Variants in EMP2 observed in about 807,000 individuals in gnomAD.
The protein encoded by EMP2 is epithelial membrane protein 2.
A neutral mutation model predicts 13.7 loss-of-function variants in EMP2; 19 were observed. The observed-to-expected ratio is 1.38, with a 90% CI of 0.97 to 2.03. The LOEUF (loss-of-function observed/expected upper bound fraction) is 2.03. Among genes scored for constraint, EMP2 ranks in the 30% most tolerant of loss-of-function variants. The pLI is 0.00. For missense variants in EMP2, 253 were observed against 220.7 expected, an observed-to-expected ratio of 1.15 and a Z score of -0.93; for synonymous variants, 97 against 84.7, an observed-to-expected ratio of 1.15 and a Z score of -0.80.
Position 10,575,515 on chromosome 16 carries a change from A to G in EMP2, c.-61+5034T>C, listed in dbSNP as rs2050978477. 2.0e-5 allele frequency among the ~76,000 whole-genome samples: 3 copies of G among 151,630 alleles called. 1 individual carries two copies. The South Asian group carries it at 6.3e-4, about 32-fold the overall frequency. On this transcript the variant is annotated intron_variant, in intron 1 of 4. Coordinates refer to ENST00000359543, the MANE Select transcript of EMP2 (RefSeq NM_001424.6). ...GTGATCCACCTACCTCGGCCTCCCA[A>G]AGTTCTGGGATTACAGGCGTGAGGA...
chr16:10,573,665 A>T (rs2050962877), intron 1 of EMP2, among the ~76,000 whole-genome samples: 1 of 152,230 alleles, frequency 6.6e-6, no homozygotes, highest in South Asian at 2.1e-4. Flanking sequence ...TCTTGGTTAC[A>T]GATAAGGCTT....
chr16:10,529,366 A>G lies in EMP2; in HGVS notation c.*3539T>C, dbSNP rs550817594. On this transcript the variant is annotated 3_prime_UTR_variant, in exon 5 of 5. Transcript: ENST00000359543. ...TGGATGTTTTCTCCCTGATTTTGTC[A>G]TTTCTTTCCAACTTCCCAAATGCAT... 2.6e-5 allele frequency: 4 copies of G among 152,176 alleles called. No individual in the cohort carries two copies. Among genetic ancestry groups the G allele is most frequent in the Admixed American group, 6.5e-5 (1 of 15,272 alleles). The allele number at this position is 152,176 out of a possible 1,614,324, so 9.4% of individuals were successfully genotyped here.
At chr16:10,560,526 A>T (rs1429667323) in intron 1 of EMP2, among the ~76,000 whole-genome samples, 1 of 152,250 alleles carries the variant, frequency 6.6e-6, no homozygotes, top group Non-Finnish European at 1.5e-5. Context: ...TTCTTTAAAA[A>T]TGAAGCAGTT....
intron 1 of EMP2, among the ~76,000 whole-genome samples, chr16:10,553,342 G>C (rs577999768): frequency 6.6e-6 from 1 of 152,166 alleles, no homozygotes; most frequent in South Asian, 2.1e-4. Context: ...TTTCCGTGTG[G>C]CGGTAGCCGT....
At chr16:10,540,908 T>C (rs1311874156) in intron 3 of EMP2, among the ~76,000 whole-genome samples, 3 of 151,562 alleles carry the variant, frequency 2.0e-5, no homozygotes, top group Non-Finnish European at 4.4e-5. Context: ...GGCAACATGG[T>C]AAAACCCTGT....
At chr16:10,568,790 T>TTC (rs1234739826) in intron 1 of EMP2, among the ~76,000 whole-genome samples, 1 of 143,898 alleles carries the variant, frequency 6.9e-6, no homozygotes, top group Non-Finnish European at 1.5e-5. Context: ...CTTTTTTTTT[T>TTC]TTTTTTTTTT....
In EMP2 at chr16:10,529,847, C is replaced by T. The variant is rs1322968307; in HGVS notation, c.*3058G>A. 1 of 148,240 alleles carries T rather than the reference C, an allele frequency of 6.7e-6. No homozygotes were observed. Among genetic ancestry groups the T allele is most frequent in the Non-Finnish European group, 1.5e-5 (1 of 67,720 alleles). The allele number at this position is 148,240 out of a possible 1,614,324, so 9.2% of individuals were successfully genotyped here. On this transcript the variant is annotated 3_prime_UTR_variant, in exon 5 of 5. Transcript: ENST00000359543. ...TCGGGAGGCTGAGGCAGGAGAATCACTTGAACCCAGGAGGCAGAGGTTGCG... is the reference window on the plus strand; with the variant it reads ...TCGGGAGGCTGAGGCAGGAGAATCATTTGAACCCAGGAGGCAGAGGTTGCG...
intron 3 of EMP2, among the ~76,000 whole-genome samples, chr16:10,539,244 TTTTC>T (rs1281147765): frequency 7.3e-6 from 1 of 136,352 alleles, no homozygotes; most frequent in African/African-American, 2.5e-5. Flanking sequence ...TTCCTTTTCT[TTTTC>T]TTTCTGTCTT....
intron 3 of EMP2, among the ~76,000 whole-genome samples, chr16:10,542,894 G>A (rs1339461079): frequency 6.6e-6 from 1 of 152,224 alleles, no homozygotes; most frequent in East Asian, 1.9e-4. Flanking sequence ...CACCCAGGGT[G>A]GAGCGCAGTG....
rs2050719236 is a variant in EMP2, at chr16:10,543,767, AAC to A, written c.79-109_79-108del. On this transcript the variant is annotated intron_variant, in intron 2 of 4. Coordinates refer to ENST00000359543, the MANE Select transcript of EMP2 (RefSeq NM_001424.6). Reference sequence around the variant, plus strand: ...TGGGCTTCCAGGATTCTCAAACTGCAACACATGTGAGAATTGCCTGAGGAGCT... The same window carrying A: ...TGGGCTTCCAGGATTCTCAAACTGCAACATGTGAGAATTGCCTGAGGAGCT... 5 of 1,027,336 alleles carry A rather than the reference AAC, an allele frequency of 4.9e-6. No individual in the cohort carries two copies. The Admixed American group carries it at 8.8e-5, about 18-fold the overall frequency. The allele number at this position is 1,027,336 out of a possible 1,614,324, so 63.6% of individuals were successfully genotyped here. A position where few individuals can be genotyped will look rare whatever the true frequency, so the allele number is the denominator to read the frequency against.
At chr16:10,541,734 G>A (rs1167006695) in intron 3 of EMP2, among the ~76,000 whole-genome samples, 1 of 152,126 alleles carries the variant, frequency 6.6e-6, no homozygotes. Context: ...AAGGGTACTG[G>A]CTTTAGAGCT....
In EMP2 at chr16:10,529,264, T is replaced by C. The variant is rs2050578793; in HGVS notation, c.*3641A>G. 6.6e-6 allele frequency: 1 copy of C among 152,228 alleles called. No homozygotes were observed. The highest frequency in any genetic ancestry group is 1.5e-5 in the Non-Finnish European group (1 of 68,046). 9.4% of individuals were successfully genotyped at this position (152,228 alleles called of 1,614,324 possible). ...ATGTGCTTCTTGGATGTCTACTAAT[T>C]TTGTTGTTGTTATTGTTCTTGAATA... is the stretch of plus-strand genomic sequence containing the variant. On this transcript the variant is annotated 3_prime_UTR_variant, in exon 5 of 5. Transcript: ENST00000359543.
At position 10,543,652 on chromosome 16, in the gene EMP2, C is replaced by T. The variant is rs200358410; in HGVS notation, c.87G>A (p.Trp29Ter). The T allele has an allele frequency of 3.7e-5, 59 of 1,614,088 alleles. No homozygotes were observed. Among genetic ancestry groups the T allele is most frequent in the African/African-American group, 8.0e-5 (6 of 74,944 alleles). The change falls in exon 3 of 5, where the codon TGG becomes TGA. Residue 29 changes from tryptophan to a stop codon, truncating the protein, a stop_gained. Transcript: ENST00000359543. LOFTEE classifies it high-confidence loss of function. Reference sequence around the variant, plus strand: ...CATCTGCAAAAAACTCATCTCCTACCCACCAGGCCTGTAACACAAAATGGA... The same window carrying T: ...CATCTGCAAAAAACTCATCTCCTACTCACCAGGCCTGTAACACAAAATGGA... ...LFIATVDNAW[W>*]VGDEFFADVW...
At chr16:10,562,376 C>A (rs74348063) in intron 1 of EMP2, among the ~76,000 whole-genome samples, 19 of 132,816 alleles carry the variant, frequency 1.4e-4, no homozygotes, top group African/African-American at 4.6e-4. Flanking sequence ...CTCTCTCTCT[C>A]TCTCTATCTA....
rs773478982 is a variant in EMP2, at chr16:10,533,000, C to G, written c.409G>C (p.Gly137Arg). 1 of 1,612,142 alleles carries G rather than the reference C, an allele frequency of 6.2e-7. No homozygotes were observed. The highest frequency in any genetic ancestry group is 8.5e-7 in the Non-Finnish European group (1 of 1,179,258). Residue 137 changes from glycine (G) to arginine (R), a missense_variant, in exon 5 of 5, where the codon GGC becomes CGC. Physicochemically the swap from Gly to Arg is moderately radical, Grantham distance 125. Coordinates refer to ENST00000359543, the MANE Select transcript of EMP2 (RefSeq NM_001424.6). ...NAKFYPVTRE[G>R]SYGYSYILAW... is the part of the protein sequence containing the mutation. ...AGGATGTAGGAGTAGCCGTAGCTGC[C>G]TTCTCTGGTCACGGGATAGAATTTC...
At chr16:10,565,538 C>T (rs1003747349) in intron 1 of EMP2, among the ~76,000 whole-genome samples, 1 of 152,214 alleles carries the variant, frequency 6.6e-6, no homozygotes, top group African/African-American at 2.4e-5. Context: ...ATCCCATGAG[C>T]AAATTCCCTA....
chr16:10,542,009 C>G (rs1342629635), intron 3 of EMP2, among the ~76,000 whole-genome samples: 4 of 152,032 alleles, frequency 2.6e-5, no homozygotes, highest in Non-Finnish European at 5.9e-5. Flanking sequence ...AATCTGGGAC[C>G]CAGGGAGTAG....
intron 1 of EMP2, among the ~76,000 whole-genome samples, chr16:10,567,302 T>C (rs1471109135): frequency 1.3e-5 from 2 of 152,146 alleles, no homozygotes; most frequent in Admixed American, 6.5e-5. Flanking sequence ...TCAAGAGTGT[T>C]TTCCTCCCCA....
chr16:10,536,896 C>T (rs1361408553), intron 4 of EMP2, among the ~76,000 whole-genome samples: 1 of 152,200 alleles, frequency 6.6e-6, no homozygotes, highest in Non-Finnish European at 1.5e-5. Flanking sequence ...GCTCCTGCAC[C>T]TGACCGGGAC....
Sources: allele counts gnomAD v4.1 joint callset (sites outside exome capture counted in the v4.1 genomes callset), GRCh38; gene constraint gnomAD v4.1.1; transcripts MANE v1.5; gene names NCBI Gene and HGNC (gene_info 2026-07-23, HGNC 2026-07-21).